Variants in COX10 observed in about 807,000 individuals in gnomAD.
The protein encoded by COX10 is protoheme IX farnesyltransferase, mitochondrial.
A neutral mutation model predicts 37.3 loss-of-function variants in COX10; 27 were observed. The observed-to-expected ratio is 0.72, with a 90% confidence interval of 0.53 to 1.00. The LOEUF (loss-of-function observed/expected upper bound fraction) is 1.00. COX10 is among the 50% of genes least tolerant of loss of function. The pLI, the probability that COX10 is intolerant of heterozygous loss-of-function variation, is 0.00. For missense variants in COX10, 475 were observed against 563.2 expected, an observed-to-expected ratio of 0.84 and a Z score of 1.59; for synonymous variants, 222 against 229.1, an observed-to-expected ratio of 0.97 and a Z score of 0.28.
intron 5 of COX10, among the ~76,000 whole-genome samples, chr17:14,184,170 T>C (rs1905954917): frequency 6.6e-6 from 1 of 152,222 alleles, no homozygotes; most frequent in Non-Finnish European, 1.5e-5. Context: ...ATTGTCTTTT[T>C]ATTGAGCCTT....
chr17:14,147,678 G>A (rs1481190268), intron 4 of COX10, among the ~76,000 whole-genome samples: 2 of 148,428 alleles, frequency 1.3e-5, no homozygotes, highest in Non-Finnish European at 1.5e-5. Flanking sequence ...GTGTTTGAGG[G>A]GATGGATACC....
intron 5 of COX10, among the ~76,000 whole-genome samples, chr17:14,178,485 C>T (rs1905754767): frequency 7.0e-6 from 1 of 143,192 alleles, no homozygotes; most frequent in African/African-American, 2.4e-5. Context: ...TCATTGGTTC[C>T]TTCTCTTCTG....
chr17:14,175,855 C>T (rs1905672197), intron 5 of COX10, among the ~76,000 whole-genome samples: 1 of 150,690 alleles, frequency 6.6e-6, no homozygotes, highest in Non-Finnish European at 1.5e-5. Context: ...CGTACGGTGG[C>T]CAGAGTGGGC....
intron 6 of COX10, among the ~76,000 whole-genome samples, chr17:14,205,657 C>A (rs1315235533): frequency 6.6e-6 from 1 of 152,226 alleles, no homozygotes; most frequent in Admixed American, 6.5e-5. Context: ...CACCCTACTG[C>A]CTGTCCTTAG....
chr17:14,154,500 T>C lies in COX10; in HGVS notation c.625-5377T>C, dbSNP rs538777523. Among the ~76,000 whole-genome samples the C allele has an allele frequency of 6.6e-5, 10 of 152,348 alleles. No homozygotes were observed. In the East Asian group the frequency reaches 1.3e-3, roughly 21 times the overall value. ...CACATAAATTGCAACCACACACCTCTAAGTGGTTCAGACAAGTGCCATGGG... is the reference window on the plus strand; with the variant it reads ...CACATAAATTGCAACCACACACCTCCAAGTGGTTCAGACAAGTGCCATGGG... On this transcript the variant is annotated intron_variant, in intron 4 of 6. Transcript: ENST00000261643.
At chr17:14,124,292 G>A (rs1225272345) in intron 4 of COX10, among the ~76,000 whole-genome samples, 1 of 152,140 alleles carries the variant, frequency 6.6e-6, no homozygotes, top group Non-Finnish European at 1.5e-5. Flanking sequence ...TTTACTTAGA[G>A]TTTATTACAC....
chr17:14,202,069 T>C (rs548204845), intron 6 of COX10, among the ~76,000 whole-genome samples: 38 of 143,990 alleles, frequency 2.6e-4, no homozygotes, highest in East Asian at 8.0e-4. Context: ...GTTGATAGTT[T>C]TGTCATTAAA....
chr17:14,207,859 C>A lies in COX10; in HGVS notation c.*646C>A, dbSNP rs7214082. ...GCCAGCCCCTGTCCTCCCTTCACCC[C>A]CATTGCGTATGAGCATTTCAGAACT... On this transcript the variant is annotated 3_prime_UTR_variant, in exon 7 of 7. Transcript: ENST00000261643. The A allele has an allele frequency of 0.16, 24,860 of 152,648 alleles. 2,313 individuals are homozygous for A. Among genetic ancestry groups the A allele is most frequent in the East Asian group, 0.39 (2,033 of 5,158 alleles). 9.5% of individuals were successfully genotyped at this position (152,648 alleles called of 1,614,324 possible). A position where few individuals can be genotyped will look rare whatever the true frequency, so the allele number is the denominator to read the frequency against.
rs551785867 is a variant in COX10, at chr17:14,128,620, C to T, written c.624+26378C>T. Among the ~76,000 whole-genome samples the T allele has an allele frequency of 1.3e-4, 20 of 152,072 alleles. No individual in the cohort carries two copies. In the South Asian group the frequency reaches 4.1e-3, roughly 32 times the overall value. On this transcript the variant is annotated intron_variant, in intron 4 of 6. Transcript: ENST00000261643. Reference sequence around the variant, plus strand: ...CATAGGTTTTTTACACACATGAATCCTCATAAAAATGCTTTCACCAAAAAT... The same window carrying T: ...CATAGGTTTTTTACACACATGAATCTTCATAAAAATGCTTTCACCAAAAAT...
At chr17:14,153,056 C>A (rs1311389423) in intron 4 of COX10, among the ~76,000 whole-genome samples, 11 of 152,184 alleles carry the variant, frequency 7.2e-5, no homozygotes, top group African/African-American at 2.4e-4. Context: ...TTTTGGCCAG[C>A]CCTAACCTAA....
intron 3 of COX10, among the ~76,000 whole-genome samples, chr17:14,081,094 C>G (rs886737225): frequency 6.6e-6 from 1 of 152,198 alleles, no homozygotes; most frequent in African/African-American, 2.4e-5. Context: ...GGAACACAAC[C>G]ACGCCCACTT....
intron 5 of COX10, among the ~76,000 whole-genome samples, chr17:14,188,147 T>G (rs1416074318): frequency 8.3e-6 from 1 of 120,388 alleles, no homozygotes; most frequent in African/African-American, 3.1e-5. Flanking sequence ...TCAGGAAAAA[T>G]AAAATGTTTA....
chr17:14,121,601 G>A (rs954613325), intron 4 of COX10, among the ~76,000 whole-genome samples: 1 of 152,146 alleles, frequency 6.6e-6, no homozygotes, highest in African/African-American at 2.4e-5. Context: ...AATGGAGACA[G>A]TAATAATAGT....
intron 5 of COX10, among the ~76,000 whole-genome samples, chr17:14,168,761 A>G (rs1905364512): frequency 6.6e-6 from 1 of 152,156 alleles, no homozygotes; most frequent in Non-Finnish European, 1.5e-5. Flanking sequence ...CCATGTCCTG[A>G]GGCTGTACAG....
chr17:14,192,673 T>C (rs1906242616), intron 6 of COX10, among the ~76,000 whole-genome samples: 1 of 152,166 alleles, frequency 6.6e-6, no homozygotes, highest in South Asian at 2.1e-4. Flanking sequence ...TTCATTAGTT[T>C]CTAATTTATT....
At chr17:14,087,762 C>T (rs182237471) in intron 3 of COX10, among the ~76,000 whole-genome samples, 11 of 150,952 alleles carry the variant, frequency 7.3e-5, no homozygotes, top group South Asian at 4.2e-4. Flanking sequence ...TTTTTAGTGT[C>T]GTCTGCTTCT....
chr17:14,185,578 TA>T (rs1906000532), intron 5 of COX10, among the ~76,000 whole-genome samples: 1 of 152,138 alleles, frequency 6.6e-6, no homozygotes, highest in Non-Finnish European at 1.5e-5. Flanking sequence ...GATTTCATGG[TA>T]AATCAAACTT....
intron 2 of COX10, among the ~76,000 whole-genome samples, chr17:14,075,940 C>T (rs1312455595): frequency 2.7e-5 from 4 of 148,162 alleles, no homozygotes; most frequent in Middle Eastern, 3.5e-3. Context: ...TGCAGTGAGC[C>T]GAGATCCTGC....
chr17:14,129,838 T>G (rs1916425623), intron 4 of COX10, among the ~76,000 whole-genome samples: 1 of 152,186 alleles, frequency 6.6e-6, no homozygotes, highest in South Asian at 2.1e-4. Context: ...TTGGTGGTTT[T>G]GTTTTTACCT....
Sources: gnomAD v4.1 joint callset for allele counts (sites outside exome capture counted in the v4.1 genomes callset) on GRCh38, gnomAD v4.1.1 for gene constraint, MANE v1.5 for transcripts, NCBI Gene and HGNC (gene_info 2026-07-23, HGNC 2026-07-21) for gene names.